The following CDH2 variants were observed in gnomAD, a reference collection of about 807,000 sequenced individuals.
CDH2 encodes the protein cadherin 2.
In CDH2, 17 loss-of-function variants were observed where a neutral mutation model predicts 92.0. The ratio of observed to expected loss-of-function variants is 0.18; its 90% CI spans 0.13 to 0.28. The LOEUF is 0.28. Among genes scored for constraint, CDH2 ranks in the 10% least tolerant of loss-of-function variants. The pLI, the probability that CDH2 is intolerant of heterozygous loss-of-function variation, is 1.00. For missense variants in CDH2, 862 were observed against 1,133.1 expected, an observed-to-expected ratio of 0.76 and a Z score of 3.44; for synonymous variants, 419 against 415.9, an observed-to-expected ratio of 1.01 and a Z score of -0.09.
At chr18:28,011,770 A>T (rs2013106257) in intron 4 of CDH2, 76 bp downstream of exon 4, 2 of 1,359,172 alleles carry the variant, frequency 1.5e-6, no homozygotes, top group South Asian at 2.6e-5. Context: ...TCTACTTTGT[A>T]AAAAAAATAG....
At chr18:28,033,415 C>A (rs139709309) in intron 2 of CDH2, among the ~76,000 whole-genome samples, 2 of 152,154 alleles carry the variant, frequency 1.3e-5, no homozygotes, top group African/African-American at 4.8e-5. Flanking sequence ...GAAATGTCAA[C>A]AGAGGCACAA....
At chr18:28,020,379 G>A (rs963485192) in intron 2 of CDH2, among the ~76,000 whole-genome samples, 1 of 151,844 alleles carries the variant, frequency 6.6e-6, no homozygotes, top group Non-Finnish European at 1.5e-5. Context: ...ATAGTACATA[G>A]AAACGATGTG....
intron 2 of CDH2, among the ~76,000 whole-genome samples, chr18:28,079,097 G>C (rs117138604): frequency 1.0e-3 from 152 of 152,268 alleles, no homozygotes; most frequent in Non-Finnish European, 1.8e-3. Context: ...CAATAAGATA[G>C]TAAAATCGTC....
At chr18:28,082,558 A>G (rs997165681) in intron 2 of CDH2, among the ~76,000 whole-genome samples, 1 of 152,196 alleles carries the variant, frequency 6.6e-6, no homozygotes, top group African/African-American at 2.4e-5. Flanking sequence ...CCCCCCATTC[A>G]AAAATTAATT....
At chr18:27,976,509 T>A (rs1294464170) in intron 14 of CDH2, among the ~76,000 whole-genome samples, 1 of 152,196 alleles carries the variant, frequency 6.6e-6, no homozygotes, top group East Asian at 1.9e-4. Context: ...AGTTGCCTGG[T>A]TGAACATGAG....
chr18:28,133,349 C>T (rs1468722833), intron 2 of CDH2, among the ~76,000 whole-genome samples: 11 of 151,818 alleles, frequency 7.2e-5, no homozygotes, highest in Admixed American at 5.9e-4. Context: ...TCTGGGAGGC[C>T]GAGGCGGGTG....
intron 2 of CDH2, among the ~76,000 whole-genome samples, chr18:28,062,729 T>C (rs2014426674): frequency 6.6e-6 from 1 of 152,186 alleles, no homozygotes; most frequent in Non-Finnish European, 1.5e-5. Flanking sequence ...ATCCCAGCAC[T>C]TTAGAAGTCC....
chr18:28,103,842 T>C (rs989439121), intron 2 of CDH2, among the ~76,000 whole-genome samples: 2 of 152,148 alleles, frequency 1.3e-5, no homozygotes, highest in African/African-American at 2.4e-5. Flanking sequence ...CATACTTTTA[T>C]ATGGCTGCAT....
At chr18:27,972,184 C>T (rs982118136) in intron 14 of CDH2, among the ~76,000 whole-genome samples, 1 of 152,076 alleles carries the variant, frequency 6.6e-6, no homozygotes, top group South Asian at 2.1e-4. Flanking sequence ...AACTTGGCTG[C>T]TTAGATTGCT....
intron 1 of CDH2, among the ~76,000 whole-genome samples, chr18:28,162,832 T>C (rs2016325996): frequency 6.6e-6 from 1 of 152,184 alleles, no homozygotes; most frequent in Non-Finnish European, 1.5e-5. Context: ...ATCTGTAAGA[T>C]GGATAATGAT....
intron 6 of CDH2, among the ~76,000 whole-genome samples, chr18:27,936,689 T>A (rs1203429816): frequency 6.6e-6 from 1 of 152,080 alleles, no homozygotes; most frequent in Non-Finnish European, 1.5e-5. Context: ...GTCATCATGT[T>A]CTGCTAATTA....
chr18:28,016,285 C>T (rs1159816983), intron 2 of CDH2, among the ~76,000 whole-genome samples: 1 of 152,160 alleles, frequency 6.6e-6, no homozygotes, highest in South Asian at 2.1e-4. Flanking sequence ...TTAAGTATTG[C>T]TTCTTTTGTT....
rs529257076 is a variant in CDH2 at position 28,093,708 on chromosome 18, G to A, written c.172+53965C>T. 5.3e-5 allele frequency among the ~76,000 whole-genome samples: 8 copies of A among 152,186 alleles called. No homozygotes were observed. The South Asian group carries it at 1.0e-3, about 20-fold the overall frequency. On this transcript the variant is annotated intron_variant, in intron 2 of 15. Coordinates refer to ENST00000269141, the MANE Select transcript of CDH2 (RefSeq NM_001792.5). ...GTTAAATGATTAATACATTTTCCTC[G>A]ACATATTCTATTTCATTCTTTTATA...
At chr18:28,013,987 T>TA (rs2013173628) in intron 2 of CDH2, 78 bp from the exon 3 acceptor site, 1 of 914,628 alleles carries the variant, frequency 1.1e-6, no homozygotes, top group African/African-American at 1.7e-5. Context: ...CTTAAACCTA[T>TA]ATCCTGCTTA....
In CDH2 at chr18:28,047,870, A is replaced by AAC. The variant is rs1172857622; in HGVS notation, c.173-33962_173-33961insGT. On this transcript the variant is annotated intron_variant, in intron 2 of 15. Coordinates refer to ENST00000269141, the MANE Select transcript of CDH2 (RefSeq NM_001792.5). ...AACAACAGAGGGAGACTCCATCTCA[A>AAC]AAAAAAAAAAAAAAAAAAAAAAGAA... 1.9e-4 allele frequency among the ~76,000 whole-genome samples: 17 copies of AAC among 87,990 alleles called. 1 individual carries two copies. The highest frequency in any genetic ancestry group is 7.3e-4 in the African/African-American group (17 of 23,186). 57.7% of individuals were successfully genotyped at this position (87,990 alleles called of 152,430 possible).
At chr18:27,981,085 G>A (rs770734709) in intron 14 of CDH2, among the ~76,000 whole-genome samples, 13 of 152,094 alleles carry the variant, frequency 8.5e-5, no homozygotes, top group South Asian at 2.1e-4. Context: ...GTCCCTATAC[G>A]AGAATTTTCT....
Position 28,103,376 on chromosome 18 carries a change from G to GTA in CDH2, c.172+44295_172+44296dup, listed in dbSNP as rs71266952. On this transcript the variant is annotated intron_variant, in intron 2 of 15. Coordinates refer to ENST00000269141, the MANE Select transcript of CDH2 (RefSeq NM_001792.5). ...TATATATAAAATACATATAAAGGAT[G>GTA]TATATATATAAAGTACATATATATA... Among the ~76,000 whole-genome samples, 743 of 141,390 alleles carry GTA rather than the reference G, an allele frequency of 5.3e-3. 9 individuals are homozygous for GTA. The highest frequency in any genetic ancestry group is 0.029 in the Middle Eastern group (7 of 240). 92.8% of individuals were successfully genotyped at this position (141,390 alleles called of 152,430 possible).
intron 2 of CDH2, among the ~76,000 whole-genome samples, chr18:28,070,673 G>A (rs1032724917): frequency 2.0e-5 from 3 of 152,232 alleles, no homozygotes; most frequent in Non-Finnish European, 4.4e-5. Flanking sequence ...TGTGAAGGCA[G>A]TATGCCCACT....
intron 14 of CDH2, among the ~76,000 whole-genome samples, chr18:27,978,000 C>T (rs1341020642): frequency 6.6e-6 from 1 of 152,128 alleles, no homozygotes; most frequent in East Asian, 1.9e-4. Context: ...GATTCCATTG[C>T]CAAAAATTCT....
Sources: allele counts gnomAD v4.1 joint callset (sites outside exome capture counted in the v4.1 genomes callset), GRCh38; gene constraint gnomAD v4.1.1; transcripts MANE v1.5; gene names NCBI Gene and HGNC (gene_info 2026-07-23, HGNC 2026-07-21).